RTCA: variants seen among roughly 807,000 people sequenced by gnomAD.
RTCA encodes the protein RNA 3'-terminal phosphate cyclase.
RTCA carries 37 observed loss-of-function variants against 46.1 expected under a neutral mutation model. The ratio of observed to expected loss-of-function variants is 0.80; its 90% CI spans 0.62 to 1.06. The LOEUF (loss-of-function observed/expected upper bound fraction) is 1.06. RTCA is among the 50% of genes least tolerant of loss of function. RTCA has a pLI of 0.00. For synonymous variants in RTCA, 164 were observed against 158.3 expected (o/e 1.04, Z -0.27); for missense variants, 435 against 455.5 (o/e 0.95, Z 0.41).
intron 9 of RTCA, 84 bp from the exon 10 acceptor site, chr1:100,287,015 G>A: frequency 1.1e-6 from 1 of 883,138 alleles, no homozygotes; most frequent in East Asian, 3.0e-5. Flanking sequence ...ATTTCTAGTA[G>A]TATTTTTATT....
chr1:100,288,296 T>A (rs1483405911), intron 10 of RTCA, among the ~76,000 whole-genome samples: 1 of 152,224 alleles, frequency 6.6e-6, no homozygotes, highest in Non-Finnish European at 1.5e-5. Flanking sequence ...ATTTCTTGCT[T>A]ATTTCAGTAA....
At position 100,275,605 on chromosome 1, in the gene RTCA, A is replaced by G; in HGVS notation, c.622A>G (p.Lys208Glu). ...VAGVLPFKVA[K>E]DMAAAAVRCI... The stretch of plus-strand genomic sequence containing the variant: ...TTCTGTCTTGCTAAAATAGGTAGCA[A>G]AAGATATGGCAGCGGCAGCAGTTAG... The change falls in exon 7 of 11, where the codon AAA becomes GAA. Residue 208 changes from lysine to glutamate, a missense_variant. Physicochemically the swap from Lys to Glu is moderately conservative, Grantham distance 56 (BLOSUM62 1). Transcript: ENST00000370128. The G allele has an allele frequency of 1.2e-6, 2 of 1,603,468 alleles. No homozygotes were observed. The highest frequency in any genetic ancestry group is 1.7e-6 in the Non-Finnish European group (2 of 1,175,908).
In RTCA at chr1:100,266,614, C is replaced by A; in HGVS notation, c.136C>A (p.Pro46Thr). The A allele has an allele frequency of 6.2e-7, 1 of 1,611,970 alleles. No homozygotes were observed. The highest frequency in any genetic ancestry group is 1.7e-5 in the Admixed American group (1 of 59,782). Reference protein sequence around the residue: ...VQKIRAGRSTPGLRPQHLSGL... With the variant: ...VQKIRAGRSTTGLRPQHLSGL... The stretch of plus-strand genomic sequence containing the variant: ...GAAGATCCGAGCCGGCCGGAGCACG[C>A]CAGGCCTGAGGTAAATCTGGCTGGA... Residue 46 changes from proline (P) to threonine (T), a missense_variant, in exon 2 of 11, where the codon CCA (proline) becomes ACA (threonine). By Grantham distance (38) the Pro-to-Thr change is conservative. Transcript: ENST00000370128.
intron 8 of RTCA, chr1:100,281,192 C>G (rs762773615): frequency 1.9e-6 from 1 of 530,500 alleles, no homozygotes; most frequent in Admixed American, 1.9e-5. Context: ...ATATGTTGAG[C>G]AAGAAGATTA....
At chr1:100,289,465 T>C (rs1667235848) in intron 10 of RTCA, among the ~76,000 whole-genome samples, 1 of 152,230 alleles carries the variant, frequency 6.6e-6, no homozygotes, top group Non-Finnish European at 1.5e-5. Context: ...TGTATACTTT[T>C]AATTGTTATT....
In RTCA at chr1:100,275,475, A is replaced by T. The variant is rs1666319615; in HGVS notation, c.616-124A>T. The T allele has an allele frequency of 7.7e-6, 5 of 647,898 alleles. No individual in the cohort carries two copies. The Admixed American group carries it at 1.8e-4, about 24-fold the overall frequency. 40.1% of individuals were successfully genotyped at this position (647,898 alleles called of 1,614,324 possible). On this transcript the variant is annotated intron_variant, in intron 6 of 10. Coordinates refer to ENST00000370128, the MANE Select transcript of RTCA (RefSeq NM_003729.4). The stretch of plus-strand genomic sequence containing the variant: ...TTTAAAAATTCAGTGCTCTCTTGAA[A>T]ATCAAGTTATTAAATAATGCATGTA...
At chr1:100,270,717 C>T in intron 4 of RTCA, 37 bp downstream of exon 4, 1 of 1,604,236 alleles carries the variant, frequency 6.2e-7, no homozygotes, top group South Asian at 1.1e-5. Flanking sequence ...AAGATGATCT[C>T]ATACATGCTT....
At chr1:100,282,505 C>T (rs1007462114) in intron 8 of RTCA, among the ~76,000 whole-genome samples, 1 of 152,166 alleles carries the variant, frequency 6.6e-6, no homozygotes, top group Non-Finnish European at 1.5e-5. Context: ...GTTTATATCA[C>T]AGAGTTAGCA....
At chr1:100,267,034 A>G in intron 2 of RTCA, 1 of 229,252 alleles carries the variant, frequency 4.4e-6, no homozygotes, top group South Asian at 1.0e-4. Context: ...TAGAATCATA[A>G]AACAGGAAAG....
At chr1:100,276,965 G>A (rs529095687) in intron 7 of RTCA, among the ~76,000 whole-genome samples, 1 of 152,248 alleles carries the variant, frequency 6.6e-6, no homozygotes, top group Admixed American at 6.5e-5. Flanking sequence ...CCTGTGAAAT[G>A]GTACCACTTA....
Position 100,268,272 on chromosome 1 carries a change from C to A in RTCA, c.267C>A (p.His89Gln), listed in dbSNP as rs776196449. Residue 89 changes from histidine to glutamine, a missense_variant, in exon 3 of 11, where the codon CAC becomes CAA. Transcript: ENST00000370128. ...CAGAGAAGATCAAAGGTGGAATCCA[C>A]ACAGCAGATACCAAGACAGCAGGGT... ...FTPEKIKGGI[H>Q]TADTKTAGSV... 2.5e-6 allele frequency: 4 copies of A among 1,613,534 alleles called. No homozygotes were observed. The African/African-American group carries it at 5.3e-5, about 22-fold the overall frequency.
chr1:100,281,260 C>T (rs755274212), intron 8 of RTCA: 10 of 533,810 alleles, frequency 1.9e-5, no homozygotes, highest in Middle Eastern at 3.4e-4. Context: ...TATTTTAAAA[C>T]GGTGAGATTT....
At chr1:100,272,713 G>A (rs898569789) in intron 4 of RTCA, among the ~76,000 whole-genome samples, 2 of 152,052 alleles carry the variant, frequency 1.3e-5, no homozygotes, top group Non-Finnish European at 2.9e-5. Flanking sequence ...AGTTCGATGG[G>A]ATGTATAATA....
intron 5 of RTCA, 85 bp from the exon 6 acceptor site, chr1:100,274,739 C>G: frequency 7.6e-7 from 1 of 1,319,320 alleles, no homozygotes. Flanking sequence ...GTTTGGATAT[C>G]ATTGACATGT....
chr1:100,270,451 C>G, intron 3 of RTCA, 106 bp from the exon 4 acceptor site: 1 of 1,361,416 alleles, frequency 7.3e-7, no homozygotes, highest in Non-Finnish European at 1.0e-6. Context: ...TCACAGTTGT[C>G]TGTGCTTTAG....
intron 8 of RTCA, among the ~76,000 whole-genome samples, chr1:100,279,865 A>T (rs144045600): frequency 4.6e-5 from 7 of 152,340 alleles, no homozygotes; most frequent in African/African-American, 1.4e-4. Context: ...TGACAACAGA[A>T]ATATCGACAG....
chr1:100,290,013 G>A (rs1667264366), intron 10 of RTCA, among the ~76,000 whole-genome samples: 1 of 152,106 alleles, frequency 6.6e-6, no homozygotes, highest in South Asian at 2.1e-4. Context: ...ATAAACGCAT[G>A]CATATATTAC....
At chr1:100,289,159 TGCTC>T (rs1204134830) in intron 10 of RTCA, among the ~76,000 whole-genome samples, 12 of 151,932 alleles carry the variant, frequency 7.9e-5, no homozygotes, top group Admixed American at 7.2e-4. Context: ...GACAGGGGCT[TGCTC>T]TGTTGCCCAG....
intron 9 of RTCA, among the ~76,000 whole-genome samples, chr1:100,286,219 G>A (rs181962296): frequency 1.5e-4 from 23 of 152,064 alleles, no homozygotes; most frequent in African/African-American, 4.1e-4. Flanking sequence ...TTGGGAGGCC[G>A]AGGTGGGCGG....
Sources: allele counts gnomAD v4.1 joint callset (sites outside exome capture counted in the v4.1 genomes callset), GRCh38; gene constraint gnomAD v4.1.1; transcripts MANE v1.5; gene names NCBI Gene and HGNC (gene_info 2026-07-23, HGNC 2026-07-21).